The following CSMD3 variants were observed in gnomAD, a reference collection of about 807,000 sequenced individuals.
CSMD3 encodes the protein CUB and sushi domain-containing protein 3.
CSMD3 carries 177 observed loss-of-function variants against 435.2 expected under a neutral mutation model. The ratio of observed to expected loss-of-function variants is 0.41; its 90% CI spans 0.36 to 0.46. CSMD3 has a LOEUF of 0.46. Ranked by LOEUF, CSMD3 falls within the 20% of genes least tolerant of loss-of-function variation. CSMD3 has a pLI of 0.34. For missense variants in CSMD3, 4,265 were observed against 4,504.6 expected, an observed-to-expected ratio of 0.95 and a Z score of 1.52; for synonymous variants, 1,656 against 1,520.5, an observed-to-expected ratio of 1.09 and a Z score of -2.07.
intron 19 of CSMD3, 94 bp downstream of exon 19, chr8:112,650,065 TAA>T (rs1454210014): frequency 7.5e-6 from 7 of 928,874 alleles, no homozygotes; most frequent in Non-Finnish European, 1.2e-5. Flanking sequence ...TTAAAAAACC[TAA>T]AATATTTATA....
At chr8:113,393,419 T>G (rs998787634) in intron 1 of CSMD3, among the ~76,000 whole-genome samples, 1 of 152,080 alleles carries the variant, frequency 6.6e-6, no homozygotes, top group African/African-American at 2.4e-5. Context: ...AACCCACTCT[T>G]TAGACTGAAA....
chr8:112,538,122 A>T (rs1826315239), intron 27 of CSMD3, among the ~76,000 whole-genome samples: 1 of 152,132 alleles, frequency 6.6e-6, no homozygotes, highest in African/African-American at 2.4e-5. Context: ...TGCTAAAAAA[A>T]AAGCAGTCAA....
chr8:113,180,796 A>G (rs1211774245), intron 3 of CSMD3, among the ~76,000 whole-genome samples: 4 of 152,006 alleles, frequency 2.6e-5, no homozygotes, highest in Non-Finnish European at 4.4e-5. Flanking sequence ...GTCAAATTAC[A>G]TAGTTATGTG....
intron 70 of CSMD3, among the ~76,000 whole-genome samples, chr8:112,227,525 C>G (rs1030277200): frequency 6.6e-6 from 1 of 152,024 alleles, no homozygotes; most frequent in African/African-American, 2.4e-5. Flanking sequence ...GCCACTGAAT[C>G]GTAGTCTTTA....
At chr8:112,962,938 C>A (rs1449331292) in intron 7 of CSMD3, among the ~76,000 whole-genome samples, 1 of 151,914 alleles carries the variant, frequency 6.6e-6, no homozygotes, top group Non-Finnish European at 1.5e-5. Flanking sequence ...ATATAGAGCA[C>A]TACTGAGAAC....
chr8:112,537,855 A>C (rs1214506126), intron 27 of CSMD3, among the ~76,000 whole-genome samples: 1 of 152,114 alleles, frequency 6.6e-6, no homozygotes. Context: ...CTGAAAAGGA[A>C]GTACCCTTCC....
chr8:112,747,558 A>C (rs1245416315), intron 13 of CSMD3, among the ~76,000 whole-genome samples: 1 of 152,132 alleles, frequency 6.6e-6, no homozygotes. Context: ...AAAACATAGT[A>C]AGTTTTTTTA....
chr8:113,094,780 A>G (rs984401621), intron 5 of CSMD3, among the ~76,000 whole-genome samples: 8 of 152,120 alleles, frequency 5.3e-5, no homozygotes, highest in African/African-American at 1.9e-4. Flanking sequence ...GTATTCAATT[A>G]TCATATGTGG....
intron 59 of CSMD3, among the ~76,000 whole-genome samples, chr8:112,273,346 T>C (rs1159175844): frequency 6.6e-6 from 1 of 152,134 alleles, no homozygotes; most frequent in Non-Finnish European, 1.5e-5. Context: ...ATTATTTCAA[T>C]CTCTTCAATG....
chr8:112,510,309 C>A (rs2130950086), intron 28 of CSMD3, among the ~76,000 whole-genome samples: 1 of 152,282 alleles, frequency 6.6e-6, no homozygotes, highest in South Asian at 2.1e-4. Flanking sequence ...TGTCCCAATT[C>A]CCATACAGCC....
chr8:112,802,533 A>G (rs1178922780), intron 12 of CSMD3, among the ~76,000 whole-genome samples: 2 of 152,056 alleles, frequency 1.3e-5, no homozygotes, highest in Non-Finnish European at 2.9e-5. Context: ...CAATCTCCTT[A>G]GCAGATTTCC....
chr8:112,703,413 G>A (rs773812531), intron 13 of CSMD3, among the ~76,000 whole-genome samples: 1 of 152,130 alleles, frequency 6.6e-6, no homozygotes, highest in Admixed American at 6.6e-5. Flanking sequence ...GGTTTAAATG[G>A]CAGTGGCTAA....
rs185306390 is a variant in CSMD3 at position 112,751,881 on chromosome 8, C to T, written c.1972+48281G>A. 1.9e-3 allele frequency among the ~76,000 whole-genome samples: 290 copies of T among 152,102 alleles called. 1 individual carries two copies. Among genetic ancestry groups the T allele is most frequent in the Non-Finnish European group, 3.6e-3 (246 of 67,994 alleles). ...TATGCAGGTTTGTTACATAGGTAAA[C>T]GTGTGCTGTGGTGGTTTGTAAAGCC... On this transcript the variant is annotated intron_variant, in intron 13 of 70. Coordinates refer to ENST00000297405, the MANE Select transcript of CSMD3 (RefSeq NM_198123.2).
At position 112,602,588 on chromosome 8, in the gene CSMD3, G is replaced by T. The variant is rs544118993; in HGVS notation, c.3716-15353C>A. Among the ~76,000 whole-genome samples, 34 of 146,324 alleles carry T rather than the reference G, an allele frequency of 2.3e-4. 1 individual carries two copies. The South Asian group carries it at 7.1e-3, about 31-fold the overall frequency. ...TCTCAAAAAAAAAAAAAAAAAGAAAGAAAAGAAAATTAGTGTCTAACTTTT... is the reference window on the plus strand; with the variant it reads ...TCTCAAAAAAAAAAAAAAAAAGAAATAAAAGAAAATTAGTGTCTAACTTTT... On this transcript the variant is annotated intron_variant, in intron 22 of 70. Transcript: ENST00000297405.
chr8:113,029,730 C>T (rs1371850202), intron 5 of CSMD3, among the ~76,000 whole-genome samples: 8 of 151,370 alleles, frequency 5.3e-5, no homozygotes, highest in Admixed American at 2.6e-4. Context: ...CAAGGATGTC[C>T]ACTCTCACCA....
intron 10 of CSMD3, among the ~76,000 whole-genome samples, chr8:112,909,240 T>C (rs890172723): frequency 2.0e-5 from 3 of 151,550 alleles, no homozygotes; most frequent in Non-Finnish European, 4.4e-5. Context: ...TAACTCCAAA[T>C]TGGTTCAGAG....
At chr8:112,289,099 G>A (rs1399720636) in intron 57 of CSMD3, among the ~76,000 whole-genome samples, 1 of 151,976 alleles carries the variant, frequency 6.6e-6, no homozygotes, top group Non-Finnish European at 1.5e-5. Context: ...ATACAGTGTA[G>A]CATCCTAAAA....
intron 61 of CSMD3, among the ~76,000 whole-genome samples, chr8:112,261,048 T>C (rs956567433): frequency 6.6e-6 from 1 of 152,090 alleles, no homozygotes; most frequent in Non-Finnish European, 1.5e-5. Context: ...TAATAATAAG[T>C]TAGTTTTATC....
chr8:112,231,476 CCA>C, intron 69 of CSMD3, 67 bp downstream of exon 69: 1 of 974,484 alleles, frequency 1.0e-6, no homozygotes, highest in Non-Finnish European at 1.7e-6. Flanking sequence ...TGTACAGAAT[CCA>C]CAGTCTTTTT....
Sources: allele counts gnomAD v4.1 joint callset (sites outside exome capture counted in the v4.1 genomes callset), GRCh38; gene constraint gnomAD v4.1.1; transcripts MANE v1.5; gene names NCBI Gene and HGNC (gene_info 2026-07-23, HGNC 2026-07-21).